Variants in HIVEP3 observed in about 807,000 individuals in gnomAD.
HIVEP3 encodes HIVEP zinc finger 3.
In HIVEP3, 49 loss-of-function variants were observed where a neutral mutation model predicts 152.8. The ratio of observed to expected loss-of-function variants is 0.32; its 90% CI spans 0.26 to 0.41. HIVEP3 has a LOEUF of 0.41. HIVEP3 is among the 10% of genes least tolerant of loss of function. HIVEP3 has a pLI of 1.00. For missense variants in HIVEP3, 2,790 were observed against 3,103.3 expected (o/e 0.90, Z 2.40); for synonymous variants, 1,269 against 1,289.0 (o/e 0.98, Z 0.33).
intron 1 of HIVEP3, among the ~76,000 whole-genome samples, chr1:41,949,490 G>T (rs529907679): frequency 6.6e-6 from 1 of 152,226 alleles, no homozygotes; most frequent in African/African-American, 2.4e-5. Flanking sequence ...CAAAAGAGGG[G>T]GAACCTGTTT....
intron 1 of HIVEP3, among the ~76,000 whole-genome samples, chr1:41,829,688 T>C (rs1642906506): frequency 6.6e-6 from 1 of 151,938 alleles, no homozygotes; most frequent in South Asian, 2.1e-4. Context: ...ATAAAAACTA[T>C]GAAATATATT....
chr1:41,527,624 A>C (rs1183470604), intron 5 of HIVEP3, among the ~76,000 whole-genome samples: 1 of 110,334 alleles, frequency 9.1e-6, no homozygotes, highest in Non-Finnish European at 1.8e-5. Context: ...CCACCCTCAC[A>C]CTCGCACTCC....
chr1:41,627,179 G>A (rs570774732), intron 3 of HIVEP3, among the ~76,000 whole-genome samples: 16 of 152,332 alleles, frequency 1.1e-4, no homozygotes, highest in Non-Finnish European at 1.8e-4. Flanking sequence ...GCCCACACAC[G>A]CCAGAAGGGT....
At chr1:41,692,652 T>C (rs1003128045) in intron 2 of HIVEP3, among the ~76,000 whole-genome samples, 10 of 152,244 alleles carry the variant, frequency 6.6e-5, no homozygotes, top group Admixed American at 2.6e-4. Flanking sequence ...ATAACTACTA[T>C]GAATAACAAG....
intron 1 of HIVEP3, among the ~76,000 whole-genome samples, chr1:42,003,296 C>T (rs963585220): frequency 2.6e-5 from 4 of 152,030 alleles, no homozygotes; most frequent in Non-Finnish European, 4.4e-5. Flanking sequence ...AGGCTGGTCT[C>T]GAACTCCTGA....
chr1:41,523,754 C>G (rs1431230246), intron 6 of HIVEP3, among the ~76,000 whole-genome samples: 8 of 152,188 alleles, frequency 5.3e-5, no homozygotes, highest in Non-Finnish European at 8.8e-5. Flanking sequence ...GTTTCACCCC[C>G]TGAGAAACCG....
At chr1:41,903,591 G>A (rs1420467792) in intron 1 of HIVEP3, among the ~76,000 whole-genome samples, 3 of 152,226 alleles carry the variant, frequency 2.0e-5, no homozygotes, top group African/African-American at 7.2e-5. Flanking sequence ...GCCTGGTTAT[G>A]AGGTGACATT....
chr1:41,962,538 A>G (rs1478490940), intron 1 of HIVEP3, among the ~76,000 whole-genome samples: 1 of 152,244 alleles, frequency 6.6e-6, no homozygotes, highest in African/African-American at 2.4e-5. Flanking sequence ...GGACGTCACT[A>G]GACATTGAGT....
At chr1:41,697,309 A>G (rs1646291314) in intron 2 of HIVEP3, among the ~76,000 whole-genome samples, 1 of 152,216 alleles carries the variant, frequency 6.6e-6, no homozygotes, top group South Asian at 2.1e-4. Context: ...CAAGAAAGGA[A>G]AGGCCTTTGA....
At position 41,819,838 on chromosome 1, in the gene HIVEP3, T is replaced by TAAAAAA. The variant is rs1642536423; in HGVS notation, c.-801+98574_-801+98575insTTTTTT. On this transcript the variant is annotated intron_variant, in intron 1 of 8. Transcript: ENST00000372583. ...GTACCTGAAAAGTATATGTACTCTT[T>TAAAAAA]AAAAATTGTTAAGAGTCAGGATTTT... is the stretch of plus-strand genomic sequence containing the variant. Among the ~76,000 whole-genome samples the TAAAAAA allele has an allele frequency of 5.9e-5, 9 of 152,174 alleles. No homozygotes were observed. The South Asian group carries it at 1.7e-3, about 28-fold the overall frequency.
intron 5 of HIVEP3, among the ~76,000 whole-genome samples, chr1:41,532,448 A>G (rs1042490111): frequency 2.6e-5 from 4 of 152,130 alleles, no homozygotes; most frequent in Non-Finnish European, 5.9e-5. Flanking sequence ...CTGGATCACC[A>G]TTGGCCTTGA....
In HIVEP3 at chr1:41,533,728, G is replaced by A. The variant is rs1027079612; in HGVS notation, c.5208-8818C>T. 2.6e-5 allele frequency among the ~76,000 whole-genome samples: 4 copies of A among 151,714 alleles called. No individual in the cohort carries two copies. Among genetic ancestry groups the A allele is most frequent in the African/African-American group, 9.7e-5 (4 of 41,334 alleles). On this transcript the variant is annotated intron_variant, in intron 5 of 8. Coordinates refer to ENST00000372583, the MANE Select transcript of HIVEP3 (RefSeq NM_024503.5). This position sits in a 1 kb window ranked among gnomAD's most constrained non-coding sequence, Gnocchi z 4.3. ...GCCGACATGGCCCCTGCCAGCCTCC[G>A]ACCTGCACTCTTCTCACCACACACC...
At chr1:41,913,883 C>T (rs368815443) in intron 1 of HIVEP3, among the ~76,000 whole-genome samples, 1 of 152,118 alleles carries the variant, frequency 6.6e-6, no homozygotes, top group East Asian at 1.9e-4. Context: ...GTTATTCATA[C>T]ATAACACATG....
At chr1:41,612,089 A>C (rs1210707541) in intron 3 of HIVEP3, among the ~76,000 whole-genome samples, 64 of 113,504 alleles carry the variant, frequency 5.6e-4, no homozygotes, top group South Asian at 9.7e-4. Context: ...TCCTCCTCCC[A>C]CTCCCACCCA....
At chr1:41,766,048 A>G (rs1049338311) in intron 1 of HIVEP3, among the ~76,000 whole-genome samples, 1 of 152,216 alleles carries the variant, frequency 6.6e-6, no homozygotes, top group African/African-American at 2.4e-5. Flanking sequence ...GCAGAGGGCC[A>G]TCCTCTGCCT....
intron 1 of HIVEP3, among the ~76,000 whole-genome samples, chr1:41,831,349 G>C (rs992770951): frequency 6.6e-6 from 1 of 152,118 alleles, no homozygotes. Flanking sequence ...TCTCATCTGC[G>C]GAATGAGATG....
In HIVEP3 at chr1:41,700,913, C is replaced by T. The variant is rs914412790; in HGVS notation, c.-721+3G>A. The T allele has an allele frequency of 2.0e-6, 2 of 983,686 alleles. No homozygotes were observed. Among genetic ancestry groups the T allele is most frequent in the African/African-American group, 3.5e-5 (2 of 57,166 alleles). 60.9% of individuals were successfully genotyped at this position (983,686 alleles called of 1,614,324 possible). ...TGTCCTGTGGGGGATGGGGAGGGCT[C>T]ACCTGCCAAAAACCAGCCGTGGTCT... On this transcript the variant is annotated splice_donor_region_variant and intron_variant, in intron 2 of 8. Transcript: ENST00000372583.
intron 2 of HIVEP3, among the ~76,000 whole-genome samples, chr1:41,654,000 G>A (rs1645593302): frequency 6.9e-6 from 1 of 145,574 alleles, no homozygotes; most frequent in South Asian, 2.2e-4. Context: ...ACCTTTAAAG[G>A]CCTTTCCAGC....
intron 1 of HIVEP3, among the ~76,000 whole-genome samples, chr1:41,986,592 C>A (rs2124513629): frequency 6.6e-6 from 1 of 152,230 alleles, no homozygotes; most frequent in South Asian, 2.1e-4. Context: ...AGGCGCCCGC[C>A]ACCACGCCCG....
Sources: allele counts gnomAD v4.1 joint callset (sites outside exome capture counted in the v4.1 genomes callset), GRCh38; gene constraint gnomAD v4.1.1; non-coding constraint Gnocchi (gnomAD v3.1); transcripts MANE v1.5; gene names NCBI Gene and HGNC (gene_info 2026-07-23, HGNC 2026-07-21).